ANKRD36C: variants seen among roughly 807,000 people sequenced by gnomAD.
ANKRD36C encodes the protein ankyrin repeat domain-containing protein 36C.
Under a neutral mutation model 276.4 loss-of-function variants are expected in ANKRD36C, and 61 were observed. The observed-to-expected ratio is 0.22, with a 90% CI of 0.18 to 0.27. The LOEUF (loss-of-function observed/expected upper bound fraction) is 0.27. Among genes scored for constraint, ANKRD36C ranks in the 10% least tolerant of loss-of-function variants. The pLI, the probability that ANKRD36C is intolerant of heterozygous loss-of-function variation, is 1.00. For missense variants in ANKRD36C, 1,447 were observed against 2,032.3 expected (o/e 0.71, Z 5.54); for synonymous variants, 483 against 680.1 (o/e 0.71, Z 4.51).
intron 6 of ANKRD36C, among the ~76,000 whole-genome samples, chr2:95,966,631 G>T (rs143312108): frequency 1.3e-5 from 2 of 152,112 alleles, no homozygotes; most frequent in Non-Finnish European, 2.9e-5. Flanking sequence ...GCTTAGGATT[G>T]TCTTGGCTAT....
chr2:95,876,986 G>A (rs1184620303), intron 58 of ANKRD36C, among the ~76,000 whole-genome samples: 7 of 148,274 alleles, frequency 4.7e-5, no homozygotes, highest in Non-Finnish European at 1.5e-5. Context: ...CAAACCACTT[G>A]GGGAGGCACT....
intron 6 of ANKRD36C, among the ~76,000 whole-genome samples, chr2:95,963,047 T>A (rs1205417958): frequency 2.0e-5 from 3 of 152,070 alleles, no homozygotes; most frequent in Non-Finnish European, 2.9e-5. Context: ...ACACTTCACA[T>A]CTCCTCAGTG....
At chr2:95,865,354 G>A (rs1205670575) in intron 60 of ANKRD36C, among the ~76,000 whole-genome samples, 2 of 151,986 alleles carry the variant, frequency 1.3e-5, no homozygotes, top group Non-Finnish European at 2.9e-5. Flanking sequence ...TTGATAAGCT[G>A]ATTCTAAAGT....
At chr2:95,915,514 G>T (rs1014577648) in intron 38 of ANKRD36C, among the ~76,000 whole-genome samples, 3 of 151,464 alleles carry the variant, frequency 2.0e-5, no homozygotes, top group Non-Finnish European at 3.0e-5. Flanking sequence ...CCACCTTCCT[G>T]CCTCACAATC....
At chr2:95,889,561 T>G (rs1224633985) in intron 48 of ANKRD36C, among the ~76,000 whole-genome samples, 2 of 151,502 alleles carry the variant, frequency 1.3e-5, no homozygotes, top group African/African-American at 4.8e-5. Flanking sequence ...TGTGTTGAAT[T>G]GCGGTCAGAT....
At chr2:95,912,688 C>T (rs1036679966) in intron 40 of ANKRD36C, among the ~76,000 whole-genome samples, 5 of 151,248 alleles carry the variant, frequency 3.3e-5, no homozygotes, top group African/African-American at 7.3e-5. Context: ...AAAATAAAAC[C>T]GTGTCAATAT....
intron 59 of ANKRD36C, among the ~76,000 whole-genome samples, chr2:95,868,412 T>C (rs62156932): frequency 0.36 from 54,801 of 151,840 alleles, 10,584 homozygotes; most frequent in East Asian, 0.66. Flanking sequence ...AGCGGTGTTT[T>C]GGTTTTTTGT....
chr2:95,859,055 G>C, intron 61 of ANKRD36C, among the ~76,000 whole-genome samples: 1 of 148,238 alleles, frequency 6.7e-6, no homozygotes, highest in East Asian at 2.0e-4. Context: ...TTTTTTTTGA[G>C]AGGGAGTCTC....
chr2:95,921,520 C>CA, intron 34 of ANKRD36C, 87 bp downstream of exon 34: 1 of 1,518,348 alleles, frequency 6.6e-7, no homozygotes, highest in Non-Finnish European at 8.9e-7. Context: ...CGAGCCCCCC[C>CA]ACCTGCCCTC....
intron 1 of ANKRD36C, 111 bp downstream of exon 1, chr2:95,991,401 G>A: frequency 6.1e-6 from 1 of 164,810 alleles, no homozygotes; most frequent in Non-Finnish European, 8.5e-6. Flanking sequence ...CCTAGCCCCC[G>A]TCCATACCCC....
At chr2:95,917,299 G>A (rs1198012031) in intron 36 of ANKRD36C, among the ~76,000 whole-genome samples, 1 of 151,582 alleles carries the variant, frequency 6.6e-6, no homozygotes, top group African/African-American at 2.4e-5. Flanking sequence ...CCAAATGCAT[G>A]TGAAGTGAGT....
chr2:95,979,027 C>A (rs1186547428), intron 5 of ANKRD36C, among the ~76,000 whole-genome samples: 1 of 151,930 alleles, frequency 6.6e-6, no homozygotes, highest in South Asian at 2.1e-4. Flanking sequence ...ACATGGAAGA[C>A]AAAACCCTAC....
At chr2:95,882,171 G>A in intron 56 of ANKRD36C, 131 bp downstream of exon 76, 1 of 761,862 alleles carries the variant, frequency 1.3e-6, no homozygotes, top group East Asian at 2.7e-5. Flanking sequence ...CAACTCAGTA[G>A]AAATGCACAA....
chr2:95,867,723 C>T, intron 59 of ANKRD36C, 142 bp from the exon 80 acceptor site: 2 of 1,184,292 alleles, frequency 1.7e-6, no homozygotes, highest in South Asian at 1.6e-5. Context: ...AAGCAATTTC[C>T]TTTATGTTGA....
intron 42 of ANKRD36C, among the ~76,000 whole-genome samples, 159 bp downstream of exon 48, chr2:95,908,343 C>T (rs1676806279): frequency 6.6e-6 from 1 of 150,982 alleles, no homozygotes; most frequent in African/African-American, 2.4e-5. Flanking sequence ...TCCAGACCAG[C>T]AGCATCATCA....
At chr2:95,880,493 T>C (rs1412101442) in exon 58 of ANKRD36C, 9 of 1,551,150 alleles carry the variant, frequency 5.8e-6, no homozygotes, top group South Asian at 1.2e-5. Context: ...TTATTTTCAA[T>C]TGTAGCCTGA....
chr2:95,988,337 T>C (rs532275147), intron 1 of ANKRD36C, among the ~76,000 whole-genome samples: 1 of 152,208 alleles, frequency 6.6e-6, no homozygotes, highest in East Asian at 1.9e-4. Context: ...CTGTCATAAG[T>C]TTCTGAAATG....
chr2:95,985,013 G>A (rs1302549974), intron 3 of ANKRD36C, among the ~76,000 whole-genome samples: 1 of 152,154 alleles, frequency 6.6e-6, no homozygotes, highest in Non-Finnish European at 1.5e-5. Context: ...AAAAGGTTTA[G>A]AATTTTTTAC....
intron 34 of ANKRD36C, among the ~76,000 whole-genome samples, chr2:95,918,706 A>T (rs1677183713): frequency 6.6e-6 from 1 of 151,670 alleles, no homozygotes; most frequent in Non-Finnish European, 1.5e-5. Context: ...TCGTGGCACC[A>T]AAGGGTAATA....
Sources: allele counts gnomAD v4.1 joint callset (sites outside exome capture counted in the v4.1 genomes callset), GRCh38; gene constraint gnomAD v4.1.1; transcripts MANE v1.5; gene names NCBI Gene and HGNC (gene_info 2026-07-23, HGNC 2026-07-21).